The following DESI2 variants were observed in gnomAD, a reference collection of about 807,000 sequenced individuals.
DESI2 encodes the protein deubiquitinase DESI2.
DESI2 carries 10 observed loss-of-function variants against 24.1 expected under a neutral mutation model. The observed-to-expected ratio is 0.41, with a 90% CI of 0.26 to 0.70. DESI2 has a LOEUF of 0.70. Among genes scored for constraint, DESI2 ranks in the 30% least tolerant of loss-of-function variants. DESI2 has a pLI of 0.29. For synonymous variants in DESI2, 71 were observed against 87.7 expected (o/e 0.81, Z 1.06); for missense variants, 122 against 234.9 (o/e 0.52, Z 3.14).
chr1:244,689,186 A>T lies in DESI2; in HGVS notation c.116-63A>T. The T allele has an allele frequency of 1.2e-6, 1 of 829,092 alleles. No homozygotes were observed. The highest frequency in any genetic ancestry group is 2.1e-6 in the Non-Finnish European group (1 of 482,852). The allele number at this position is 829,092 out of a possible 1,614,324, so 51.4% of individuals were successfully genotyped here. On this transcript the variant is annotated intron_variant, in intron 2 of 4. Transcript: ENST00000302550. The surrounding 1 kb of genome is among the most constrained non-coding windows in gnomAD (Gnocchi z 4.0). ...CTGTTATCCTCAATTATTAAAGCTAATTCAGCATTCTGGTTAAATTTTATG... is the reference window on the plus strand; with the variant it reads ...CTGTTATCCTCAATTATTAAAGCTATTTCAGCATTCTGGTTAAATTTTATG...
At position 244,705,967 on chromosome 1, in the gene DESI2, G is replaced by C. The variant is rs1677683530; in HGVS notation, c.*178G>C. 1 of 587,284 alleles carries C rather than the reference G, an allele frequency of 1.7e-6. No homozygotes were observed. Among genetic ancestry groups the C allele is most frequent in the South Asian group, 2.1e-5 (1 of 47,140 alleles). The allele number at this position is 587,284 out of a possible 1,614,324, so 36.4% of individuals were successfully genotyped here. A position where few individuals can be genotyped will look rare whatever the true frequency, so the allele number is the denominator to read the frequency against. ...AAAAAAAAAATCACTTGGCGCAGGA[G>C]GGAGAACTTTGTAAGAAGCTGCCCT... On this transcript the variant is annotated 3_prime_UTR_variant, in exon 5 of 5. Coordinates refer to ENST00000302550, the MANE Select transcript of DESI2 (RefSeq NM_016076.5).
chr1:244,677,799 A>T (rs1676461150), intron 1 of DESI2, among the ~76,000 whole-genome samples: 1 of 152,102 alleles, frequency 6.6e-6, no homozygotes, highest in South Asian at 2.1e-4. Flanking sequence ...GCATGCCTCT[A>T]GTCCCAGTTT....
chr1:244,683,456 T>C (rs543739689), intron 1 of DESI2, among the ~76,000 whole-genome samples: 7 of 151,940 alleles, frequency 4.6e-5, no homozygotes, highest in South Asian at 4.2e-4. Context: ...GGACTACAAG[T>C]GCCCGCCATC....
chr1:244,691,754 C>A, intron 3 of DESI2, 125 bp from the exon 4 acceptor site: 1 of 746,646 alleles, frequency 1.3e-6, no homozygotes, highest in South Asian at 2.5e-5. Flanking sequence ...TATATTAACC[C>A]TGATTTGTTA....
Position 244,694,420 on chromosome 1 carries a change from G to C in DESI2, c.351+2400G>C, listed in dbSNP as rs773281013. The C allele has an allele frequency of 7.0e-6, 5 of 717,606 alleles. No homozygotes were observed. In the Admixed American group the frequency reaches 8.8e-5, roughly 13 times the overall value. 44.5% of individuals were successfully genotyped at this position (717,606 alleles called of 1,614,324 possible). ...CGGAACATCTATTGCATTACTCATC[G>C]TTGAAATTCTTAAGATGAACTGGAT... On this transcript the variant is annotated intron_variant, in intron 4 of 4. Transcript: ENST00000302550.
At chr1:244,657,028 G>C (rs184424072) in intron 1 of DESI2, among the ~76,000 whole-genome samples, 107 of 152,254 alleles carry the variant, frequency 7.0e-4, no homozygotes, top group Middle Eastern at 3.4e-3. Context: ...CCGCCTCAGC[G>C]TCCCAAAGTT....
intron 1 of DESI2, among the ~76,000 whole-genome samples, chr1:244,656,005 A>G (rs1165432315): frequency 2.0e-5 from 3 of 152,144 alleles, no homozygotes; most frequent in Admixed American, 1.3e-4. Flanking sequence ...TGTTATACTA[A>G]TTTTTCTCAA....
intron 1 of DESI2, among the ~76,000 whole-genome samples, chr1:244,672,829 A>G (rs1312258857): frequency 1.3e-5 from 2 of 152,078 alleles, no homozygotes; most frequent in Non-Finnish European, 2.9e-5. Context: ...GTGAGCCAAG[A>G]TCGCCCCATT....
At chr1:244,703,025 G>A (rs1488088813) in intron 4 of DESI2, among the ~76,000 whole-genome samples, 4 of 135,030 alleles carry the variant, frequency 3.0e-5, no homozygotes, top group Non-Finnish European at 4.6e-5. Context: ...TTGGTGAGAC[G>A]AAGTCTTGCT....
intron 4 of DESI2, among the ~76,000 whole-genome samples, chr1:244,704,932 A>C (rs943918355): frequency 2.0e-5 from 3 of 152,158 alleles, no homozygotes; most frequent in Non-Finnish European, 4.4e-5. Context: ...TGCTGGTATT[A>C]CAGGTGTGAG....
At chr1:244,660,421 C>T (rs192329777) in intron 1 of DESI2, among the ~76,000 whole-genome samples, 6 of 152,284 alleles carry the variant, frequency 3.9e-5, no homozygotes, top group East Asian at 1.9e-4. Context: ...CTGCCTCGGC[C>T]GCCCAAAGTG....
At chr1:244,692,768 C>T (rs1039464025) in intron 4 of DESI2, among the ~76,000 whole-genome samples, 1 of 152,176 alleles carries the variant, frequency 6.6e-6, no homozygotes, top group Non-Finnish European at 1.5e-5. Flanking sequence ...TCAGACAACT[C>T]TCACAGACTG....
At chr1:244,694,628 C>A in intron 4 of DESI2, 1 of 842,466 alleles carries the variant, frequency 1.2e-6, no homozygotes, top group South Asian at 1.3e-5. Context: ...TGCCACAGGT[C>A]AACTTCTGAA....
chr1:244,663,754 C>G (rs1030058870), intron 1 of DESI2, among the ~76,000 whole-genome samples: 4 of 151,936 alleles, frequency 2.6e-5, no homozygotes, highest in Admixed American at 1.3e-4. Flanking sequence ...CACGGTGGCT[C>G]ACGCCTGTAA....
At chr1:244,678,005 C>T (rs1676474149) in intron 1 of DESI2, among the ~76,000 whole-genome samples, 1 of 152,158 alleles carries the variant, frequency 6.6e-6, no homozygotes, top group Admixed American at 6.5e-5. Context: ...GAATATATCT[C>T]TAGGTTTAGA....
intron 1 of DESI2, among the ~76,000 whole-genome samples, chr1:244,663,082 A>G (rs1675902037): frequency 6.6e-6 from 1 of 152,200 alleles, no homozygotes; most frequent in African/African-American, 2.4e-5. Context: ...AACAAGATTT[A>G]GAAAGTCAGA....
intron 1 of DESI2, among the ~76,000 whole-genome samples, chr1:244,669,638 A>G (rs369919868): frequency 1.3e-5 from 2 of 152,202 alleles, no homozygotes; most frequent in East Asian, 3.9e-4. Context: ...AGATCGCACC[A>G]TTACACTCCA....
chr1:244,690,763 T>C (rs1285339718), intron 3 of DESI2, among the ~76,000 whole-genome samples: 1 of 150,842 alleles, frequency 6.6e-6, no homozygotes, highest in East Asian at 1.9e-4. Flanking sequence ...AGCTTTAAAC[T>C]TCTGGGCCTA....
At chr1:244,688,039 A>C (rs989906438) in intron 2 of DESI2, among the ~76,000 whole-genome samples, 2 of 152,094 alleles carry the variant, frequency 1.3e-5, no homozygotes, top group Non-Finnish European at 2.9e-5. Context: ...CTTGAACCCA[A>C]ATGTTCTTGT....
Sources: gnomAD v4.1 joint callset for allele counts (sites outside exome capture counted in the v4.1 genomes callset) on GRCh38, gnomAD v4.1.1 for gene constraint, Gnocchi (gnomAD v3.1) non-coding constraint, MANE v1.5 for transcripts, NCBI Gene and HGNC (gene_info 2026-07-23, HGNC 2026-07-21) for gene names.